Variants in SQOR observed in about 807,000 individuals in gnomAD.
The protein encoded by SQOR is sulfide:quinone oxidoreductase, mitochondrial.
In SQOR, 39 loss-of-function variants were observed where a neutral mutation model predicts 48.6. The observed-to-expected ratio is 0.80, with a 90% CI of 0.62 to 1.05. The LOEUF (loss-of-function observed/expected upper bound fraction) is 1.05. Ranked by LOEUF, SQOR falls within the 50% of genes least tolerant of loss-of-function variation. SQOR has a pLI of 0.00. For synonymous variants in SQOR, 220 were observed against 206.2 expected (o/e 1.07, Z -0.57); for missense variants, 561 against 559.9 (o/e 1.00, Z -0.02).
At chr15:45,659,313 CAGA>C (rs1383928678) in intron 2 of SQOR, among the ~76,000 whole-genome samples, 156 bp downstream of exon 2, 2 of 152,050 alleles carry the variant, frequency 1.3e-5, no homozygotes, top group African/African-American at 4.8e-5. Context: ...GCAGCCTATC[CAGA>C]AGGACTGGGA....
rs1294229727 is a variant in SQOR, at chr15:45,691,150, A to G, written c.*120A>G. On this transcript the variant is annotated 3_prime_UTR_variant, in exon 10 of 10. Transcript: ENST00000260324. Reference sequence around the variant, plus strand: ...CTTGTAAAGAGTTCCTTGATGGGTAATGGTGACCAAATGCCTCCCTTTTCA... The same window carrying G: ...CTTGTAAAGAGTTCCTTGATGGGTAGTGGTGACCAAATGCCTCCCTTTTCA... 3.5e-6 allele frequency: 3 copies of G among 852,686 alleles called. No individual in the cohort carries two copies. The highest frequency in any genetic ancestry group is 3.3e-5 in the African/African-American group (2 of 59,956). The allele number at this position is 852,686 out of a possible 1,614,324, so 52.8% of individuals were successfully genotyped here. A position where few individuals can be genotyped will look rare whatever the true frequency, so the allele number is the denominator to read the frequency against.
At chr15:45,632,476 T>C (rs1404714239), upstream of SQOR, among the ~76,000 whole-genome samples, 2 of 151,860 alleles carry the variant, frequency 1.3e-5, no homozygotes, top group Admixed American at 6.6e-5. Flanking sequence ...TGCCACAGCC[T>C]CCCAAAGTGC....
chr15:45,677,830 A>T (rs942218178), intron 6 of SQOR, among the ~76,000 whole-genome samples: 2 of 152,208 alleles, frequency 1.3e-5, no homozygotes, highest in Admixed American at 6.5e-5. Context: ...CTTCATGAGT[A>T]GCTGGGACTA....
intron 2 of SQOR, among the ~76,000 whole-genome samples, chr15:45,661,651 G>A (rs1889722684): frequency 2.0e-5 from 3 of 151,434 alleles, no homozygotes; most frequent in Non-Finnish European, 4.4e-5. Context: ...ATATGCACGT[G>A]CATATAACAT....
chr15:45,667,534 A>C (rs891221496), intron 3 of SQOR, among the ~76,000 whole-genome samples: 10 of 152,170 alleles, frequency 6.6e-5, no homozygotes, highest in Admixed American at 5.9e-4. Context: ...CTGGGGGTTT[A>C]GGTCATCTGA....
chr15:45,650,581 C>T (rs1041955982), intron 1 of SQOR, among the ~76,000 whole-genome samples: 23 of 152,284 alleles, frequency 1.5e-4, no homozygotes, highest in Middle Eastern at 3.4e-3. Context: ...GGACTGCCAC[C>T]GCTCGCTCGG....
intron 1 of SQOR, among the ~76,000 whole-genome samples, chr15:45,644,423 GAGA>G (rs1895165531): frequency 6.6e-6 from 1 of 152,196 alleles, no homozygotes; most frequent in African/African-American, 2.4e-5. Context: ...GATATGTGAG[GAGA>G]AGAAGCCGAG....
chr15:45,645,322 G>A (rs1226233023), intron 1 of SQOR, among the ~76,000 whole-genome samples: 2 of 152,144 alleles, frequency 1.3e-5, no homozygotes, highest in Non-Finnish European at 2.9e-5. Flanking sequence ...ATTTAGACCC[G>A]CCTTCTTAGA....
chr15:45,683,026 C>CAAAAAAAAAAAAAAAAAAAAAAAA (rs34072446), intron 7 of SQOR, among the ~76,000 whole-genome samples: 1 of 119,890 alleles, frequency 8.3e-6, no homozygotes, highest in African/African-American at 3.5e-5. Context: ...GGCTTCATCT[C>CAAAAAAAAAAAAAAAAAAAAAAAA]AAAAAAAAAA....
intron 3 of SQOR, among the ~76,000 whole-genome samples, chr15:45,662,558 G>A (rs941984320): frequency 2.0e-5 from 3 of 152,170 alleles, no homozygotes; most frequent in African/African-American, 4.8e-5. Context: ...CCTGGGGGGC[G>A]CTCTACCAGA....
intron 4 of SQOR, 59 bp from the exon 5 acceptor site, chr15:45,673,548 A>T: frequency 6.5e-7 from 1 of 1,538,434 alleles, no homozygotes; most frequent in Admixed American, 1.8e-5. Flanking sequence ...GGCAAAGAAC[A>T]AGGACTCTAA....
chr15:45,631,745 T>A (rs1894902374), upstream of SQOR: 1 of 152,318 alleles, frequency 6.6e-6, no homozygotes, highest in South Asian at 2.1e-4. Context: ...CTGATTTGGA[T>A]TTATTTTCCT....
intron 1 of SQOR, among the ~76,000 whole-genome samples, chr15:45,638,412 C>A (rs1483973302): frequency 1.3e-5 from 2 of 152,072 alleles, no homozygotes; most frequent in African/African-American, 4.8e-5. Flanking sequence ...AGCAACATAG[C>A]AAGACCTTGT....
chr15:45,675,053 A>G (rs879486110), intron 5 of SQOR, among the ~76,000 whole-genome samples: 10 of 152,214 alleles, frequency 6.6e-5, no homozygotes, highest in Non-Finnish European at 1.0e-4. Flanking sequence ...TCTGACCCCA[A>G]GAAAGTTCAT....
intron 1 of SQOR, among the ~76,000 whole-genome samples, chr15:45,649,502 G>C (rs1158995027): frequency 6.6e-6 from 1 of 152,118 alleles, no homozygotes; most frequent in Non-Finnish European, 1.5e-5. Flanking sequence ...TTGAGACAGA[G>C]TCTTGCTCTG....
chr15:45,658,965 GC>G lies in SQOR; in HGVS notation c.43del (p.Leu15SerfsTer48). ...CTGTGGTATCAGGGCCCCGTGCCCA[GC>G]TCTTTGCCTGCCTGCTCAGGCTGGG... ...VAVVSGPRAQLFACLLRLGTQ... is the reference protein window; with the variant it reads ...VAVVSGPRAQXFACLLRLGTQ... On this transcript the variant is annotated frameshift_variant, in exon 2 of 10. Coordinates refer to ENST00000260324, the MANE Select transcript of SQOR (RefSeq NM_021199.4). LOFTEE classifies it high-confidence loss of function. The G allele has an allele frequency of 1.3e-6, 2 of 1,589,066 alleles. No homozygotes were observed. The highest frequency in any genetic ancestry group is 2.3e-5 in the South Asian group (2 of 88,154).
At chr15:45,669,299 G>A (rs940618723) in intron 3 of SQOR, among the ~76,000 whole-genome samples, 5 of 151,812 alleles carry the variant, frequency 3.3e-5, no homozygotes, top group Non-Finnish European at 7.4e-5. Flanking sequence ...CCCCCCTGGG[G>A]ACTACAGGTG....
At chr15:45,643,456 A>G (rs1895140893) in intron 1 of SQOR, among the ~76,000 whole-genome samples, 1 of 152,134 alleles carries the variant, frequency 6.6e-6, no homozygotes, top group Admixed American at 6.5e-5. Context: ...CAGCCTCCCA[A>G]AGTGTTGGGA....
chr15:45,671,429 A>T (rs1889940549), intron 4 of SQOR, among the ~76,000 whole-genome samples: 2 of 152,164 alleles, frequency 1.3e-5, no homozygotes, highest in African/African-American at 4.8e-5. Context: ...AAGTGCTGGG[A>T]TTACAGGCGT....
Sources: gnomAD v4.1 joint callset for allele counts (sites outside exome capture counted in the v4.1 genomes callset) on GRCh38, gnomAD v4.1.1 for gene constraint, MANE v1.5 for transcripts, NCBI Gene and HGNC (gene_info 2026-07-23, HGNC 2026-07-21) for gene names.